Variants in FRZB observed in about 807,000 individuals in gnomAD.
The protein encoded by FRZB is frizzled related protein, also known as secreted frizzled-related protein 3.
In FRZB, 34 loss-of-function variants were observed where a neutral mutation model predicts 32.5. The ratio of observed to expected loss-of-function variants is 1.05; its 90% CI spans 0.80 to 1.39. The LOEUF (loss-of-function observed/expected upper bound fraction) is 1.39, where lower values mean the gene tolerates loss of function less well. Ranked by LOEUF, FRZB falls within the 40% of genes most tolerant of loss-of-function variation. The pLI is 0.00. For synonymous variants in FRZB, 170 were observed against 159.2 expected, an observed-to-expected ratio of 1.07 and a Z score of -0.51; for missense variants, 423 against 424.8, an observed-to-expected ratio of 1.00 and a Z score of 0.04.
At chr2:182,865,903 T>C (rs1368973669) in intron 1 of FRZB, among the ~76,000 whole-genome samples, 172 bp downstream of exon 1, 2 of 152,164 alleles carry the variant, frequency 1.3e-5, no homozygotes, top group Non-Finnish European at 2.9e-5. Context: ...TTTTTTGTTT[T>C]TGTTTTTGAA....
chr2:182,838,070 C>A, intron 4 of FRZB, 59 bp from the exon 5 acceptor site: 2 of 1,318,026 alleles, frequency 1.5e-6, no homozygotes, highest in Non-Finnish European at 1.1e-6. Flanking sequence ...CTGAAAAGTA[C>A]AAGGAAACAG....
intron 4 of FRZB, 41 bp downstream of exon 4, chr2:182,838,368 T>A: frequency 6.6e-7 from 1 of 1,509,732 alleles, no homozygotes; most frequent in Non-Finnish European, 9.2e-7. Flanking sequence ...GAGAGTAGGA[T>A]AAGCAAAGTA....
intron 1 of FRZB, among the ~76,000 whole-genome samples, chr2:182,865,331 G>C (rs912951342): frequency 4.6e-5 from 7 of 152,168 alleles, no homozygotes; most frequent in Non-Finnish European, 1.0e-4. Flanking sequence ...AGGCATGTGG[G>C]CATGTGAAAA....
chr2:182,861,537 T>G (rs1272699559), intron 1 of FRZB, among the ~76,000 whole-genome samples: 1 of 152,256 alleles, frequency 6.6e-6, no homozygotes, highest in Non-Finnish European at 1.5e-5. Flanking sequence ...CATATTACTA[T>G]TTCTTTTGTT....
intron 4 of FRZB, 142 bp from the exon 5 acceptor site, chr2:182,838,153 C>A: frequency 1.4e-6 from 1 of 729,820 alleles, no homozygotes; most frequent in Non-Finnish European, 2.2e-6. Context: ...AATTATTAAC[C>A]ATTTGTAAGT....
intron 1 of FRZB, among the ~76,000 whole-genome samples, chr2:182,859,961 C>T (rs1695813194): frequency 6.6e-6 from 1 of 152,094 alleles, no homozygotes. Context: ...AGTAACGTGC[C>T]AGTGGTTTTT....
chr2:182,834,999 A>G (rs760802316), intron 5 of FRZB, 34 bp from the exon 6 acceptor site: 3 of 1,404,654 alleles, frequency 2.1e-6, no homozygotes, highest in South Asian at 2.3e-5. Context: ...AGTCACAAGC[A>G]CATATCACCA....
chr2:182,866,097 G>A lies in FRZB; in HGVS notation c.456C>T (p.Ala152=). Residue 152 remains alanine, a synonymous_variant, in exon 1 of 6, where the codon GCC becomes GCT. Transcript: ENST00000295113. This position sits in a 1 kb window ranked among gnomAD's most constrained non-coding sequence, Gnocchi z 4.5. The part of the protein sequence containing the change: ...YDRGVCISPE[A]IVTADGADFP... ...CACCAGCTCCGTCCGCAGTAACGAT[G>A]GCCTCGGGAGAGATGCACACGCCCC... 1 of 1,611,524 alleles carries A rather than the reference G, an allele frequency of 6.2e-7. No homozygotes were observed. Among genetic ancestry groups the A allele is most frequent in the Non-Finnish European group, 8.5e-7 (1 of 1,178,046 alleles).
intron 2 of FRZB, among the ~76,000 whole-genome samples, chr2:182,856,368 G>A (rs570135730): frequency 1.3e-5 from 2 of 152,110 alleles, no homozygotes; most frequent in African/African-American, 4.8e-5. Flanking sequence ...ACGTGTGTGT[G>A]TGTGAGAGAG....
chr2:182,838,673 A>T, intron 3 of FRZB, 60 bp from the exon 4 acceptor site: 1 of 1,402,162 alleles, frequency 7.1e-7, no homozygotes, highest in Non-Finnish European at 1.0e-6. Flanking sequence ...ACCCCATTCA[A>T]AAAAAGCCAA....
At chr2:182,846,286 C>G (rs1695639553) in intron 2 of FRZB, among the ~76,000 whole-genome samples, 1 of 152,158 alleles carries the variant, frequency 6.6e-6, no homozygotes, top group Admixed American at 6.5e-5. Flanking sequence ...TTCTAACTAT[C>G]CCTGACCTTT....
Position 182,866,605 on chromosome 2 carries a change from C to G in FRZB, c.-53G>C. 1 of 1,273,732 alleles carries G rather than the reference C, an allele frequency of 7.9e-7. No homozygotes were observed. The highest frequency in any genetic ancestry group is 1.0e-6 in the Non-Finnish European group (1 of 962,632). The allele number at this position is 1,273,732 out of a possible 1,614,324, so 78.9% of individuals were successfully genotyped here. On this transcript the variant is annotated 5_prime_UTR_variant, in exon 1 of 6. Coordinates refer to ENST00000295113, the MANE Select transcript of FRZB (RefSeq NM_001463.4). This position sits in a 1 kb window ranked among gnomAD's most constrained non-coding sequence, Gnocchi z 4.5. ...GCCGCGCAGTGGACGCCAAAAGGCC[C>G]GCTCCGCCGTCTCCGCCTCCCCCGC...
rs769111253 is a variant in FRZB, at chr2:182,866,271, G to A, written c.282C>T (p.Pro94=). The change falls in exon 1 of 6, where the codon CCC becomes CCT. Residue 94 remains proline, a synonymous_variant. Transcript: ENST00000295113. The surrounding 1 kb of genome is among the most constrained non-coding windows in gnomAD (Gnocchi z 4.5). Reference sequence around the variant, plus strand: ...CGTGCTGGAAGTCAATGGTGCAGATGGGCGCGTACATGGCACAGAGGAAGA... The same window carrying A: ...CGTGCTGGAAGTCAATGGTGCAGATAGGCGCGTACATGGCACAGAGGAAGA... The part of the protein sequence containing the change: ...LLFFLCAMYA[P]ICTIDFQHEP... 1.2e-6 allele frequency: 2 copies of A among 1,614,224 alleles called. No individual in the cohort carries two copies. The highest frequency in any genetic ancestry group is 2.2e-5 in the South Asian group (2 of 91,086).
intron 2 of FRZB, among the ~76,000 whole-genome samples, chr2:182,853,132 A>T (rs1382460717): frequency 2.0e-5 from 3 of 152,216 alleles, no homozygotes; most frequent in Admixed American, 6.5e-5. Context: ...TTTCACAAAC[A>T]GAATGAGCTT....
intron 2 of FRZB, among the ~76,000 whole-genome samples, chr2:182,854,960 G>T (rs1695752071): frequency 2.0e-5 from 3 of 152,194 alleles, no homozygotes; most frequent in Admixed American, 2.0e-4. Context: ...CCCTGGGCAT[G>T]TGTGACTCTG....
intron 2 of FRZB, among the ~76,000 whole-genome samples, chr2:182,842,855 T>C (rs1695600935): frequency 6.6e-6 from 1 of 152,212 alleles, no homozygotes; most frequent in African/African-American, 2.4e-5. Context: ...AGGTATGCTT[T>C]ATGCTTATGG....
intron 3 of FRZB, among the ~76,000 whole-genome samples, chr2:182,839,467 G>A (rs775309887): frequency 1.4e-4 from 21 of 151,910 alleles, no homozygotes; most frequent in Non-Finnish European, 2.6e-4. Flanking sequence ...ATATTCTCAC[G>A]TGTCAATGGC....
rs377156121 is a variant in FRZB at position 182,866,427 on chromosome 2, C to T, written c.126G>A (p.Leu42=). The change falls in exon 1 of 6, where the codon CTG becomes CTA. Residue 42 remains leucine, a synonymous_variant. Coordinates refer to ENST00000295113, the MANE Select transcript of FRZB (RefSeq NM_001463.4). This position sits in a 1 kb window ranked among gnomAD's most constrained non-coding sequence, Gnocchi z 4.5. ...TCATGTTCCAGGGCAGGGACTTGCACAGGGGGATGCGGACGGGCTCACAGG... is the reference window on the plus strand; with the variant it reads ...TCATGTTCCAGGGCAGGGACTTGCATAGGGGGATGCGGACGGGCTCACAGG... The part of the protein sequence containing the change: ...AAACEPVRIP[L]CKSLPWNMTK... 1.0e-5 allele frequency: 16 copies of T among 1,599,936 alleles called. No homozygotes were observed. Among genetic ancestry groups the T allele is most frequent in the Non-Finnish European group, 1.3e-5 (15 of 1,171,450 alleles).
chr2:182,866,436 G>A lies in FRZB; in HGVS notation c.117C>T (p.Arg39=). 6.3e-7 allele frequency: 1 copy of A among 1,594,782 alleles called. No homozygotes were observed. Among genetic ancestry groups the A allele is most frequent in the Non-Finnish European group, 8.6e-7 (1 of 1,168,710 alleles). Residue 39 remains arginine (R), a synonymous_variant, in exon 1 of 6, where the codon CGC becomes CGT. Coordinates refer to ENST00000295113, the MANE Select transcript of FRZB (RefSeq NM_001463.4). This position sits in a 1 kb window ranked among gnomAD's most constrained non-coding sequence, Gnocchi z 4.5. ...GARAAACEPV[R]IPLCKSLPWN... ...AGGGCAGGGACTTGCACAGGGGGAT[G>A]CGGACGGGCTCACAGGCTGCAGCCC...
Sources: allele counts gnomAD v4.1 joint callset (sites outside exome capture counted in the v4.1 genomes callset), GRCh38; gene constraint gnomAD v4.1.1; non-coding constraint Gnocchi (gnomAD v3.1); transcripts MANE v1.5; gene names NCBI Gene and HGNC (gene_info 2026-07-23, HGNC 2026-07-21).